Variants in IP6K1 observed in about 807,000 individuals in gnomAD.
IP6K1 encodes the protein inositol hexakisphosphate kinase 1.
Under a neutral mutation model 38.3 loss-of-function variants are expected in IP6K1, and 13 were observed. The ratio of observed to expected loss-of-function variants is 0.34; its 90% CI spans 0.22 to 0.54. IP6K1 has a LOEUF of 0.54. Among genes scored for constraint, IP6K1 ranks in the 20% least tolerant of loss-of-function variants. IP6K1 has a pLI of 0.92. For missense variants in IP6K1, 397 were observed against 599.8 expected, an observed-to-expected ratio of 0.66 and a Z score of 3.53; for synonymous variants, 212 against 229.9, an observed-to-expected ratio of 0.92 and a Z score of 0.70.
At chr3:49,743,548 G>A (rs1012587020) in intron 2 of IP6K1, among the ~76,000 whole-genome samples, 1 of 150,744 alleles carries the variant, frequency 6.6e-6, no homozygotes, top group Non-Finnish European at 1.5e-5. Flanking sequence ...AGTTGTAGTG[G>A]CGTGCCTATA....
At chr3:49,731,044 G>A (rs976515148) in intron 4 of IP6K1, among the ~76,000 whole-genome samples, 2 of 151,304 alleles carry the variant, frequency 1.3e-5, no homozygotes, top group Non-Finnish European at 2.9e-5. Flanking sequence ...TGAAACCAGT[G>A]AATGAGAGAG....
At chr3:49,747,752 A>C (rs2080733924) in intron 2 of IP6K1, 66 bp downstream of exon 2, 1 of 1,594,464 alleles carries the variant, frequency 6.3e-7, no homozygotes, top group Non-Finnish European at 8.6e-7. Context: ...CAAACCAAGA[A>C]AAAACTGTGG....
At chr3:49,765,226 C>G (rs1439460301) in intron 1 of IP6K1, among the ~76,000 whole-genome samples, 1 of 151,842 alleles carries the variant, frequency 6.6e-6, no homozygotes, top group African/African-American at 2.4e-5. Flanking sequence ...ACTACTAGAC[C>G]AGATCTACAA....
intron 1 of IP6K1, among the ~76,000 whole-genome samples, chr3:49,781,477 C>T (rs745876981): frequency 6.6e-6 from 1 of 152,034 alleles, no homozygotes; most frequent in Admixed American, 6.6e-5. Context: ...GTTTTGGGGA[C>T]GTTTTATAAA....
At chr3:49,771,058 ACAC>A in intron 1 of IP6K1, among the ~76,000 whole-genome samples, 1 of 151,736 alleles carries the variant, frequency 6.6e-6, no homozygotes, top group South Asian at 2.1e-4. Context: ...GTTAGAGGGT[ACAC>A]TAAGTTATGA....
chr3:49,731,812 C>A (rs1036347490), intron 4 of IP6K1, among the ~76,000 whole-genome samples: 1 of 144,776 alleles, frequency 6.9e-6, no homozygotes, highest in African/African-American at 2.5e-5. Flanking sequence ...CTCTTGAACC[C>A]GGGAGGCGGA....
At chr3:49,739,079 C>G (rs1559704267) in intron 2 of IP6K1, among the ~76,000 whole-genome samples, 1 of 152,058 alleles carries the variant, frequency 6.6e-6, no homozygotes, top group Non-Finnish European at 1.5e-5. Context: ...CAAATAAGAC[C>G]CCTCTCAAGT....
In IP6K1 at chr3:49,763,691, C is replaced by G. The variant is rs150641235; in HGVS notation, c.-128-15523G>C. On this transcript the variant is annotated intron_variant, in intron 1 of 5. Transcript: ENST00000321599. ...ATCTCAATAAATACAGGAAAAAAAC[C>G]TGACAAAATTCAGTACCCATTCATA... is the stretch of plus-strand genomic sequence containing the variant. Among the ~76,000 whole-genome samples the G allele has an allele frequency of 7.2e-5, 11 of 151,990 alleles. 1 individual carries two copies. The East Asian group carries it at 1.9e-3, about 27-fold the overall frequency.
intron 1 of IP6K1, among the ~76,000 whole-genome samples, chr3:49,774,132 A>G (rs1369625329): frequency 6.6e-6 from 1 of 152,118 alleles, no homozygotes; most frequent in Non-Finnish European, 1.5e-5. Context: ...CAGGCCGGGC[A>G]CAGTGGCTCA....
chr3:49,745,372 T>C lies in IP6K1; in HGVS notation c.223+2446A>G, dbSNP rs938739923. 5.3e-5 allele frequency among the ~76,000 whole-genome samples: 8 copies of C among 152,122 alleles called. No individual in the cohort carries two copies. The South Asian group carries it at 1.0e-3, about 20-fold the overall frequency. The stretch of plus-strand genomic sequence containing the variant: ...TCCCTGAGGTTAATTAAAATAAAAA[T>C]GAAATTTAAAAAGCTTGAGATGTCC... On this transcript the variant is annotated intron_variant, in intron 2 of 5. Coordinates refer to ENST00000321599, the MANE Select transcript of IP6K1 (RefSeq NM_153273.4).
chr3:49,736,694 T>A (rs989662413), intron 3 of IP6K1, among the ~76,000 whole-genome samples: 2 of 152,150 alleles, frequency 1.3e-5, no homozygotes, highest in African/African-American at 4.8e-5. Context: ...TTGTACAAAT[T>A]TTGTGGGAAT....
At chr3:49,757,452 G>A (rs1330300739) in intron 1 of IP6K1, among the ~76,000 whole-genome samples, 2 of 152,138 alleles carry the variant, frequency 1.3e-5, no homozygotes, top group Non-Finnish European at 2.9e-5. Context: ...TGCTAGGCAG[G>A]GTGGCTCACA....
chr3:49,777,609 A>G (rs138712362), intron 1 of IP6K1, among the ~76,000 whole-genome samples: 1 of 151,528 alleles, frequency 6.6e-6, no homozygotes, highest in Non-Finnish European at 1.5e-5. Flanking sequence ...AAAGTTGGAA[A>G]TTTCTTTAAA....
At chr3:49,780,636 A>T (rs1467754940) in intron 1 of IP6K1, among the ~76,000 whole-genome samples, 1 of 152,198 alleles carries the variant, frequency 6.6e-6, no homozygotes, top group Admixed American at 6.6e-5. Flanking sequence ...AACAAAGAAA[A>T]GGGCCTAAAA....
chr3:49,742,474 G>A (rs577468786), intron 2 of IP6K1, among the ~76,000 whole-genome samples: 4 of 151,512 alleles, frequency 2.6e-5, no homozygotes, highest in African/African-American at 7.3e-5. Flanking sequence ...GCGTGAGCCC[G>A]GGAGGCAGAG....
intron 2 of IP6K1, among the ~76,000 whole-genome samples, chr3:49,744,458 C>T (rs1205389582): frequency 6.7e-6 from 1 of 148,402 alleles, no homozygotes; most frequent in African/African-American, 2.5e-5. Flanking sequence ...GAAGAGTTGT[C>T]CCTTCATATC....
chr3:49,731,907 G>GAAAAAAAAAAAAAAA (rs1277207284), intron 4 of IP6K1, among the ~76,000 whole-genome samples: 24 of 69,024 alleles, frequency 3.5e-4, no homozygotes, highest in Admixed American at 9.2e-4. Flanking sequence ...AAAAAAAAAG[G>GAAAAAAAAAAAAAAA]AATTCCTATG....
At chr3:49,732,742 C>T (rs375602557) in intron 4 of IP6K1, 49 bp downstream of exon 4, 56 of 1,499,340 alleles carry the variant, frequency 3.7e-5, no homozygotes, top group African/African-American at 8.3e-5. Flanking sequence ...CCCCAACACA[C>T]GACCTATGGA....
At chr3:49,733,053 G>A (rs1311056805) in intron 3 of IP6K1, 81 bp from the exon 4 acceptor site, 3 of 1,094,140 alleles carry the variant, frequency 2.7e-6, no homozygotes, top group Non-Finnish European at 4.0e-6. Flanking sequence ...GCACAGATCT[G>A]TCCACAATGA....
Sources: gnomAD v4.1 joint callset for allele counts (sites outside exome capture counted in the v4.1 genomes callset) on GRCh38, gnomAD v4.1.1 for gene constraint, MANE v1.5 for transcripts, NCBI Gene and HGNC (gene_info 2026-07-23, HGNC 2026-07-21) for gene names.